MRPL28: variants seen among roughly 807,000 people sequenced by gnomAD.
MRPL28 encodes the protein large ribosomal subunit protein bL28m.
In MRPL28, 25 loss-of-function variants were observed where a neutral mutation model predicts 26.2. That is an observed-to-expected ratio of 0.95 (90% CI 0.69 to 1.33). The LOEUF (loss-of-function observed/expected upper bound fraction) is 1.33, where lower values mean the gene tolerates loss of function less well. Among genes scored for constraint, MRPL28 ranks in the 40% most tolerant of loss-of-function variants. MRPL28 has a pLI of 0.00. For synonymous variants in MRPL28, 227 were observed against 140.1 expected, an observed-to-expected ratio of 1.62 and a Z score of -4.38; for missense variants, 432 against 327.2, an observed-to-expected ratio of 1.32 and a Z score of -2.47.
Position 369,106 on chromosome 16 carries a change from T to C in MRPL28, c.403A>G (p.Ile135Val). Residue 135 changes from isoleucine (I) to valine (V), a missense_variant, in exon 3 of 6, where the codon ATC becomes GTC. Coordinates refer to ENST00000199706, the MANE Select transcript of MRPL28 (RefSeq NM_006428.5). ...VTVTMRTLDL[I>V]DEAYGLDFYI... ...AAGTCGAGCCCATAAGCCTCATCGATGAGGTCCAGGGTCCGCATGGTCACA... is the reference window on the plus strand; with the variant it reads ...AAGTCGAGCCCATAAGCCTCATCGACGAGGTCCAGGGTCCGCATGGTCACA... The C allele has an allele frequency of 2.5e-6, 4 of 1,614,022 alleles. No individual in the cohort carries two copies. Among genetic ancestry groups the C allele is most frequent in the Non-Finnish European group, 3.4e-6 (4 of 1,179,940 alleles).
chr16:370,283 C>A (rs2054313301), intron 1 of MRPL28, 58 bp from the exon 2 acceptor site: 1 of 1,447,194 alleles, frequency 6.9e-7, no homozygotes, highest in Non-Finnish European at 9.1e-7. Flanking sequence ...CCGGCACTCA[C>A]CCCCTACCCC....
In MRPL28 at chr16:369,977, C is replaced by T; in HGVS notation, c.242G>A (p.Gly81Asp). Residue 81 changes from glycine (G) to aspartate (D), a missense_variant, in exon 2 of 6, where the codon GGC (glycine) becomes GAC (aspartate). Gly to Asp is a moderately conservative substitution (Grantham distance 94). Transcript: ENST00000199706. ...TTGGCCCAGGATCCAGCCCTCGCCG[C>T]CCCACAACCCCCGCTGGGATTCGGG... ...FPPESQRGLW[G>D]GEGWILGQIY... The T allele has an allele frequency of 1.2e-6, 2 of 1,612,778 alleles. No individual in the cohort carries two copies. The highest frequency in any genetic ancestry group is 1.7e-6 in the Non-Finnish European group (2 of 1,179,850).
At chr16:368,735 G>A (rs1567318821) in intron 3 of MRPL28, 100 bp from the exon 4 acceptor site, 6 of 1,495,450 alleles carry the variant, frequency 4.0e-6, no homozygotes, top group South Asian at 2.7e-5. Flanking sequence ...GTGGTCCCAG[G>A]ACAGGACAGA....
At position 367,801 on chromosome 16, in the gene MRPL28, C is replaced by T. The variant is rs762221941; in HGVS notation, c.664-19G>A. 1.1e-5 allele frequency: 18 copies of T among 1,606,380 alleles called. No individual in the cohort carries two copies. The highest frequency in any genetic ancestry group is 5.0e-5 in the Admixed American group (3 of 59,912). ...CAGGGTCCTGAAGGAGAGAGGGGCT[C>T]ATGGTGAGGCCAGGGAAGCCCAGGG... On this transcript the variant is annotated intron_variant, in intron 5 of 5. Coordinates refer to ENST00000199706, the MANE Select transcript of MRPL28 (RefSeq NM_006428.5).
Position 369,212 on chromosome 16 carries a change from C to G in MRPL28, c.297G>C (p.Lys99Asn), listed in dbSNP as rs1414948731. ...QIYANNDKLSKRLKKVWKPQL... is the reference protein window; with the variant it reads ...QIYANNDKLSNRLKKVWKPQL... Reference sequence around the variant, plus strand: ...GTGGCTTCCACACTTTCTTCAGCCTCTTGGAGAGCTGAGGGTGCAACAGAG... The same window carrying G: ...GTGGCTTCCACACTTTCTTCAGCCTGTTGGAGAGCTGAGGGTGCAACAGAG... Residue 99 changes from lysine to asparagine, a missense_variant, in exon 3 of 6, where the codon AAG becomes AAC. Coordinates refer to ENST00000199706, the MANE Select transcript of MRPL28 (RefSeq NM_006428.5). 6.2e-7 allele frequency: 1 copy of G among 1,613,914 alleles called. No individual in the cohort carries two copies. Among genetic ancestry groups the G allele is most frequent in the South Asian group, 1.1e-5 (1 of 91,090 alleles).
chr16:369,522 T>C (rs2054297635), intron 2 of MRPL28: 2 of 680,870 alleles, frequency 2.9e-6, no homozygotes, highest in Middle Eastern at 2.4e-4. Context: ...GGTTGTCACA[T>C]TCCAACCTGG....
chr16:367,432 G>A lies in MRPL28; in HGVS notation c.*243C>T, dbSNP rs1343354231. 4.2e-6 allele frequency: 3 copies of A among 713,874 alleles called. No individual in the cohort carries two copies. Among genetic ancestry groups the A allele is most frequent in the Non-Finnish European group, 5.2e-6 (2 of 382,470 alleles). 44.2% of individuals were successfully genotyped at this position (713,874 alleles called of 1,614,324 possible). ...ACTTTACTCGCTCCCGGCCCCACGG[G>A]CACAAGGAACACTGCCGCAAACGTC... On this transcript the variant is annotated 3_prime_UTR_variant, in exon 6 of 6. Coordinates refer to ENST00000199706, the MANE Select transcript of MRPL28 (RefSeq NM_006428.5).
rs1423878099 is a variant in MRPL28, at chr16:369,279, G to T, written c.289-59C>A. On this transcript the variant is annotated intron_variant, in intron 2 of 5. Coordinates refer to ENST00000199706, the MANE Select transcript of MRPL28 (RefSeq NM_006428.5). ...TGCTTTCTCTTACATACCAAGGGGG[G>T]CCCAGGCAACTGCCCTCACCTCCCC... 3 of 1,433,832 alleles carry T rather than the reference G, an allele frequency of 2.1e-6. No individual in the cohort carries two copies. The African/African-American group carries it at 9.1e-5, about 43-fold the overall frequency. 88.8% of individuals were successfully genotyped at this position (1,433,832 alleles called of 1,614,324 possible). A position where few individuals can be genotyped will look rare whatever the true frequency, so the allele number is the denominator to read the frequency against.
In MRPL28 at chr16:370,189, G is replaced by A. The variant is rs533493367; in HGVS notation, c.30C>T (p.Leu10=). 5.6e-6 allele frequency: 9 copies of A among 1,598,078 alleles called. No homozygotes were observed. In the African/African-American group the frequency reaches 9.4e-5, roughly 17 times the overall value. Residue 10 remains leucine, a synonymous_variant, in exon 2 of 6, where the codon CTC becomes CTT. Coordinates refer to ENST00000199706, the MANE Select transcript of MRPL28 (RefSeq NM_006428.5). The part of the protein sequence containing the change: MPLHKYPVW[L]WKRLQLREGI... ...CCTCCCGCAGCTGCAGCCGCTTCCA[G>A]AGCCACACGGGATACTTGTGTAGAG...
rs766765102 is a variant in MRPL28, at chr16:369,071, G to A, written c.438C>T (p.Leu146=). 1 of 1,613,530 alleles carries A rather than the reference G, an allele frequency of 6.2e-7. No individual in the cohort carries two copies. Among genetic ancestry groups the A allele is most frequent in the Non-Finnish European group, 8.5e-7 (1 of 1,179,828 alleles). The part of the protein sequence containing the change: ...DEAYGLDFYI[L]KTPKEDLCSK... ...TGACTCGCCCCACCCCGCTTGCCTT[G>A]AGGATGTAAAAGTCGAGCCCATAAG... The change falls in exon 3 of 6, where the codon CTC becomes CTT. Residue 146 remains leucine, a synonymous_variant. Coordinates refer to ENST00000199706, the MANE Select transcript of MRPL28 (RefSeq NM_006428.5).
chr16:370,227 T>C lies in MRPL28; in HGVS notation c.-7-2A>G, dbSNP rs1248176883. The C allele has an allele frequency of 6.4e-7, 1 of 1,561,362 alleles. No individual in the cohort carries two copies. Among genetic ancestry groups the C allele is most frequent in the Non-Finnish European group, 8.6e-7 (1 of 1,158,014 alleles). ...TACTTGTGTAGAGGCATCGCGAGCC[T>C]GGCGGGAGGTGGGGGCTCGCAGTCA... On this transcript the variant is annotated splice_acceptor_variant, in intron 1 of 5. Transcript: ENST00000199706. LOFTEE classifies it low-confidence loss of function (5UTR_SPLICE).
chr16:368,455 C>G (rs201836855), intron 4 of MRPL28, 41 bp from the exon 5 acceptor site: 1 of 1,613,102 alleles, frequency 6.2e-7, no homozygotes, highest in African/African-American at 1.3e-5. Flanking sequence ...GGCCCAGGGC[C>G]GGGCCACGAG....
At chr16:370,272 C>G in intron 1 of MRPL28, 47 bp from the exon 2 acceptor site, 1 of 1,479,558 alleles carries the variant, frequency 6.8e-7, no homozygotes, top group East Asian at 2.4e-5. Context: ...TGGCCAGGCC[C>G]CCGGCACTCA....
chr16:368,147 G>A (rs114540909), intron 5 of MRPL28, among the ~76,000 whole-genome samples, 181 bp downstream of exon 5: 7,152 of 152,258 alleles, frequency 0.047, 478 homozygotes, highest in African/African-American at 0.15. Context: ...GAACAGGGTG[G>A]GGACTTGGAG....
At chr16:368,899 A>C (rs2054287792) in intron 3 of MRPL28, 169 bp downstream of exon 3, 2 of 1,055,484 alleles carry the variant, frequency 1.9e-6, no homozygotes, top group African/African-American at 1.6e-5. Context: ...TGAAGGCAGG[A>C]AACCCCACTG....
chr16:369,468 TTGC>T, intron 2 of MRPL28: 2 of 631,262 alleles, frequency 3.2e-6, no homozygotes, highest in Admixed American at 5.0e-5. Flanking sequence ...GGTCACATGG[TTGC>T]TGCATGTGTT....
Position 368,501 on chromosome 16 carries a change from C to G in MRPL28, c.576G>C (p.Lys192Asn), listed in dbSNP as rs542151163. ...ERRAAIYDKYKEFAIPEEEAE... is the reference protein window; with the variant it reads ...ERRAAIYDKYNEFAIPEEEAE... Reference sequence around the variant, plus strand: ...TAGGGAGCGGGACGGAAACCCTCACCTTGTACTTGTCGTAGATGGCTGCCC... The same window carrying G: ...TAGGGAGCGGGACGGAAACCCTCACGTTGTACTTGTCGTAGATGGCTGCCC... Residue 192 changes from lysine (K) to asparagine (N), a missense_variant and splice_region_variant, in exon 4 of 6, where the codon AAG (lysine) becomes AAC (asparagine). Physicochemically the swap from Lys to Asn is moderately conservative, Grantham distance 94. Coordinates refer to ENST00000199706, the MANE Select transcript of MRPL28 (RefSeq NM_006428.5). 10 of 1,603,406 alleles carry G rather than the reference C, an allele frequency of 6.2e-6. No homozygotes were observed. In the East Asian group the frequency reaches 1.8e-4, roughly 29 times the overall value.
At chr16:367,968 TC>T (rs1035461721) in intron 5 of MRPL28, among the ~76,000 whole-genome samples, 186 bp from the exon 6 acceptor site, 1 of 152,174 alleles carries the variant, frequency 6.6e-6, no homozygotes, top group Non-Finnish European at 1.5e-5. Context: ...CATACCCCTG[TC>T]CCATCCCTGT....
intron 3 of MRPL28, 107 bp from the exon 4 acceptor site, chr16:368,742 C>G: frequency 6.7e-7 from 1 of 1,483,290 alleles, no homozygotes; most frequent in South Asian, 1.4e-5. Flanking sequence ...CAGGACAGGA[C>G]AGAGAAGGCC....
Sources: allele counts gnomAD v4.1 joint callset (sites outside exome capture counted in the v4.1 genomes callset), GRCh38; gene constraint gnomAD v4.1.1; transcripts MANE v1.5; gene names NCBI Gene and HGNC (gene_info 2026-07-23, HGNC 2026-07-21).